The following ZBTB8OS variants were observed in gnomAD, a reference collection of about 807,000 sequenced individuals.
The protein encoded by ZBTB8OS is tRNA splicing ligase complex subunit 1, also known as tRNA-splicing ligase-activating factor archease.
ZBTB8OS carries 16 observed loss-of-function variants against 29.3 expected under a neutral mutation model. The observed-to-expected ratio is 0.55, with a 90% CI of 0.37 to 0.83. ZBTB8OS has a LOEUF of 0.83. Ranked by LOEUF, ZBTB8OS falls within the 40% of genes least tolerant of loss-of-function variation. ZBTB8OS has a pLI of 0.00. For missense variants in ZBTB8OS, 160 were observed against 196.9 expected (o/e 0.81, Z 1.12); for synonymous variants, 70 against 64.6 (o/e 1.08, Z -0.40).
chr1:32,647,195 C>T (rs981523881), intron 1 of ZBTB8OS, among the ~76,000 whole-genome samples: 5 of 150,372 alleles, frequency 3.3e-5, no homozygotes, highest in South Asian at 2.1e-4. Flanking sequence ...ATGGAGAAAC[C>T]CCATCTCTAC....
intron 3 of ZBTB8OS, 28 bp downstream of exon 3, chr1:32,633,923 A>G (rs1645758029): frequency 1.3e-6 from 2 of 1,546,674 alleles, no homozygotes; most frequent in African/African-American, 1.4e-5. Flanking sequence ...CTGTATAACA[A>G]TTTCTTCCTT....
chr1:32,636,593 G>A (rs1260284222), intron 1 of ZBTB8OS, among the ~76,000 whole-genome samples: 2 of 151,848 alleles, frequency 1.3e-5, no homozygotes, highest in Non-Finnish European at 2.9e-5. Context: ...AGGAGGCTGA[G>A]GCAGGAGAAT....
intron 1 of ZBTB8OS, among the ~76,000 whole-genome samples, chr1:32,646,186 G>T (rs1646813126): frequency 1.3e-5 from 2 of 151,910 alleles, no homozygotes; most frequent in African/African-American, 2.4e-5. Flanking sequence ...GGGTATGATG[G>T]TGCACGCCTG....
chr1:32,628,707 G>A (rs1645310633), intron 5 of ZBTB8OS, among the ~76,000 whole-genome samples: 1 of 150,986 alleles, frequency 6.6e-6, no homozygotes, highest in South Asian at 2.1e-4. Flanking sequence ...CACTTTGGGA[G>A]GCAGAGGTAG....
At chr1:32,636,544 G>T (rs1426026785) in intron 1 of ZBTB8OS, among the ~76,000 whole-genome samples, 1 of 151,960 alleles carries the variant, frequency 6.6e-6, no homozygotes, top group Non-Finnish European at 1.5e-5. Flanking sequence ...CAAAAACTTA[G>T]CTGGGCGTGG....
At chr1:32,627,419 T>C (rs1182220728) in intron 6 of ZBTB8OS, 89 bp downstream of exon 6, 1 of 1,188,688 alleles carries the variant, frequency 8.4e-7, no homozygotes, top group Non-Finnish European at 1.2e-6. Context: ...TTTACACCAG[T>C]TAGAACTAAC....
upstream of ZBTB8OS, chr1:32,650,698 G>C: frequency 7.9e-7 from 1 of 1,258,934 alleles, no homozygotes; most frequent in Non-Finnish European, 1.1e-6. Context: ...CGCTTGGATC[G>C]CATATTTAAA....
intron 1 of ZBTB8OS, among the ~76,000 whole-genome samples, chr1:32,641,291 T>TG (rs1646384584): frequency 8.0e-6 from 1 of 124,928 alleles, no homozygotes; most frequent in African/African-American, 3.7e-5. Context: ...TTTTTTTTTT[T>TG]GAGACAGATT....
intron 1 of ZBTB8OS, among the ~76,000 whole-genome samples, chr1:32,636,453 G>A (rs959738552): frequency 1.3e-5 from 2 of 152,180 alleles, no homozygotes; most frequent in Non-Finnish European, 2.9e-5. Context: ...CACTTCGGGA[G>A]GCCGAGGCAG....
intron 1 of ZBTB8OS, 102 bp downstream of exon 1, chr1:32,650,331 G>T: frequency 2.0e-6 from 3 of 1,464,876 alleles, no homozygotes; most frequent in Non-Finnish European, 2.8e-6. Context: ...CATGCCTGAA[G>T]TACCCATGGG....
At chr1:32,648,577 A>G (rs1256824663) in intron 1 of ZBTB8OS, among the ~76,000 whole-genome samples, 1 of 152,214 alleles carries the variant, frequency 6.6e-6, no homozygotes, top group Non-Finnish European at 1.5e-5. Context: ...GGGACTAGGT[A>G]GTTGAGGATG....
Position 32,621,966 on chromosome 1 carries a change from G to GA in ZBTB8OS, c.418-19dup, listed in dbSNP as rs78907409. ...TCTGTTCCCTAAAGTTGGGGTTAGA[G>GA]AAAAAAAAAAAAAAAAGGAAAATAG... On this transcript the variant is annotated intron_variant, in intron 6 of 6. Coordinates refer to ENST00000468695, the MANE Select transcript of ZBTB8OS (RefSeq NM_178547.5). 0.16 allele frequency: 139,211 copies of GA among 888,516 alleles called. 72 individuals carry two copies. Among genetic ancestry groups the GA allele is most frequent in the Non-Finnish European group, 0.17 (108,617 of 646,998 alleles). The allele number at this position is 888,516 out of a possible 1,614,324, so 55.0% of individuals were successfully genotyped here. A position where few individuals can be genotyped will look rare whatever the true frequency, so the allele number is the denominator to read the frequency against.
chr1:32,639,784 T>TA (rs1646261226), intron 1 of ZBTB8OS, among the ~76,000 whole-genome samples: 1 of 151,956 alleles, frequency 6.6e-6, no homozygotes, highest in Admixed American at 6.6e-5. Context: ...AGTTATTAAT[T>TA]AAAAAAAATT....
chr1:32,632,404 T>A (rs950166215), intron 4 of ZBTB8OS: 4 of 152,056 alleles, frequency 2.6e-5, no homozygotes, highest in African/African-American at 9.7e-5. Flanking sequence ...GAGATATATA[T>A]GTATGCAGTT....
intron 1 of ZBTB8OS, among the ~76,000 whole-genome samples, chr1:32,647,783 C>A (rs778386508): frequency 1.3e-5 from 2 of 152,158 alleles, no homozygotes; most frequent in Non-Finnish European, 2.9e-5. Context: ...AGGGCTCCCA[C>A]TGATTCTATA....
chr1:32,638,230 C>CTTTTT (rs760775116), intron 1 of ZBTB8OS, among the ~76,000 whole-genome samples: 24 of 102,154 alleles, frequency 2.3e-4, no homozygotes, highest in Admixed American at 4.5e-4. Flanking sequence ...CTCCAGAATT[C>CTTTTT]TTTTTTTTTT....
chr1:32,650,526 C>T lies in ZBTB8OS; in HGVS notation c.4G>A (p.Ala2Thr), dbSNP rs1647358126. 6.2e-7 allele frequency: 1 copy of T among 1,614,044 alleles called. No individual in the cohort carries two copies. The highest frequency in any genetic ancestry group is 1.7e-5 in the Admixed American group (1 of 59,990). ...TCTCTAACATCTTCCTCTTCCTGCG[C>T]CATGACTGCAGGATTAGACACTCTA... The part of the protein sequence containing the change: M[A>T]QEEEDVRDYN... Residue 2 changes from alanine to threonine, a missense_variant, in exon 1 of 7, where the codon GCG becomes ACG. By Grantham distance (58) the Ala-to-Thr change is moderately conservative (BLOSUM62 0). Coordinates refer to ENST00000468695, the MANE Select transcript of ZBTB8OS (RefSeq NM_178547.5).
chr1:32,627,480 T>G (rs1225450976), intron 6 of ZBTB8OS, 28 bp downstream of exon 6: 1 of 1,611,564 alleles, frequency 6.2e-7, no homozygotes. Context: ...ATTTTTCATG[T>G]TCTTAATGGC....
At chr1:32,637,798 T>C (rs1205695012) in intron 1 of ZBTB8OS, among the ~76,000 whole-genome samples, 2 of 152,190 alleles carry the variant, frequency 1.3e-5, no homozygotes, top group Non-Finnish European at 2.9e-5. Context: ...CACTGGACTT[T>C]ACACCATAAG....
Sources: allele counts gnomAD v4.1 joint callset (sites outside exome capture counted in the v4.1 genomes callset), GRCh38; gene constraint gnomAD v4.1.1; transcripts MANE v1.5; gene names NCBI Gene and HGNC (gene_info 2026-07-23, HGNC 2026-07-21).